MALRD1: variants seen among roughly 807,000 people sequenced by gnomAD.
The protein encoded by MALRD1 is MAM and LDL-receptor class A domain-containing protein 1.
A neutral mutation model predicts 242.1 loss-of-function variants in MALRD1; 247 were observed. The observed-to-expected ratio is 1.02, with a 90% CI of 0.92 to 1.13. The LOEUF (loss-of-function observed/expected upper bound fraction) is 1.13. Among genes scored for constraint, MALRD1 ranks in the 50% most tolerant of loss-of-function variants. The pLI is 0.00. For missense variants in MALRD1, 2,989 were observed against 2,533.1 expected (o/e 1.18, Z -3.86); for synonymous variants, 995 against 866.6 (o/e 1.15, Z -2.60).
intron 21 of MALRD1, among the ~76,000 whole-genome samples, chr10:19,315,498 A>G (rs185220417): frequency 8.3e-5 from 8 of 96,666 alleles, no homozygotes; most frequent in Non-Finnish European, 2.0e-5. Flanking sequence ...ATAAATATAT[A>G]ACTATAATTT....
intron 36 of MALRD1, among the ~76,000 whole-genome samples, chr10:19,625,620 C>G (rs1375290957): frequency 6.6e-6 from 1 of 152,106 alleles, no homozygotes; most frequent in East Asian, 1.9e-4. Flanking sequence ...GACCTAAGCT[C>G]TCTCTAAGGC....
At chr10:19,519,133 T>C (rs577529753) in intron 31 of MALRD1, among the ~76,000 whole-genome samples, 3 of 152,334 alleles carry the variant, frequency 2.0e-5, no homozygotes, top group South Asian at 2.1e-4. Context: ...TAATTTTCTT[T>C]CATTGTCAAA....
intron 19 of MALRD1, among the ~76,000 whole-genome samples, chr10:19,269,241 G>C (rs866188742): frequency 9.9e-5 from 15 of 152,274 alleles, no homozygotes; most frequent in African/African-American, 3.6e-4. Flanking sequence ...TTTGGAAGTG[G>C]GGCCTTTGAG....
intron 4 of MALRD1, among the ~76,000 whole-genome samples, chr10:19,095,729 T>G (rs560270986): frequency 6.6e-6 from 1 of 152,226 alleles, no homozygotes; most frequent in East Asian, 1.9e-4. Flanking sequence ...AATAATGTAT[T>G]TAATTTGCTG....
chr10:19,718,925 G>A (rs1834552459), intron 38 of MALRD1, among the ~76,000 whole-genome samples: 1 of 151,600 alleles, frequency 6.6e-6, no homozygotes, highest in South Asian at 2.1e-4. Context: ...CCAGTGCTTT[G>A]TGAGGCCAAG....
At chr10:19,252,291 T>G (rs1468739989) in intron 18 of MALRD1, among the ~76,000 whole-genome samples, 1 of 152,020 alleles carries the variant, frequency 6.6e-6, no homozygotes, top group East Asian at 1.9e-4. Context: ...TAAACGAAAC[T>G]GTTATGGACT....
intron 18 of MALRD1, among the ~76,000 whole-genome samples, chr10:19,240,047 AT>A: frequency 6.6e-6 from 1 of 152,132 alleles, no homozygotes; most frequent in South Asian, 2.1e-4. Flanking sequence ...TTTCATTGGT[AT>A]TTTGATAGGG....
At chr10:19,533,570 C>T (rs2131356065) in intron 32 of MALRD1, among the ~76,000 whole-genome samples, 1 of 152,256 alleles carries the variant, frequency 6.6e-6, no homozygotes, top group Non-Finnish European at 1.5e-5. Flanking sequence ...GGCATCTGCT[C>T]AGCTTCTGAT....
intron 18 of MALRD1, among the ~76,000 whole-genome samples, chr10:19,242,107 A>G (rs1416281859): frequency 3.3e-5 from 5 of 152,188 alleles, no homozygotes; most frequent in African/African-American, 1.2e-4. Flanking sequence ...TTACAGAGAA[A>G]AAGAGGTTTA....
intron 36 of MALRD1, among the ~76,000 whole-genome samples, chr10:19,688,514 G>A (rs1842693862): frequency 6.6e-6 from 1 of 151,984 alleles, no homozygotes; most frequent in Admixed American, 6.6e-5. Context: ...TCCCACCTCG[G>A]TCTCCCAAAG....
chr10:19,529,691 G>A (rs1452533464), intron 31 of MALRD1, among the ~76,000 whole-genome samples: 3 of 151,926 alleles, frequency 2.0e-5, no homozygotes, highest in African/African-American at 7.2e-5. Context: ...CAAAATAGAT[G>A]CAAACACAAG....
intron 21 of MALRD1, 30 bp downstream of exon 21, chr10:19,283,211 C>G (rs1840908405): frequency 2.1e-6 from 3 of 1,429,560 alleles, no homozygotes; most frequent in Admixed American, 2.5e-5. Flanking sequence ...GAATATCTCT[C>G]TTGGGAAATA....
At chr10:19,058,676 G>T (rs1834736064) in intron 1 of MALRD1, among the ~76,000 whole-genome samples, 1 of 152,004 alleles carries the variant, frequency 6.6e-6, no homozygotes, top group Non-Finnish European at 1.5e-5. Context: ...ATAAATCAAA[G>T]ATACATTTTT....
chr10:19,236,928 C>G, intron 18 of MALRD1, among the ~76,000 whole-genome samples: 1 of 151,980 alleles, frequency 6.6e-6, no homozygotes, highest in East Asian at 1.9e-4. Context: ...GAGTCAAGAA[C>G]AAAGCTCCTA....
In MALRD1 at chr10:19,169,591, G is replaced by GA. The variant is rs551812224; in HGVS notation, c.1830+3790dup. Among the ~76,000 whole-genome samples the GA allele has an allele frequency of 3.9e-4, 58 of 150,204 alleles. 1 individual carries two copies. In the East Asian group the frequency reaches 4.9e-3, roughly 13 times the overall value. On this transcript the variant is annotated intron_variant, in intron 13 of 39. Transcript: ENST00000454679. ...TCCATCCCATTTCTTATCCTCTGCAGAAAAAAAAAGATGCTAATATTATGC... is the reference window on the plus strand; with the variant it reads ...TCCATCCCATTTCTTATCCTCTGCAGAAAAAAAAAAGATGCTAATATTATGC...
intron 4 of MALRD1, among the ~76,000 whole-genome samples, chr10:19,096,267 C>G (rs572453507): frequency 6.6e-6 from 1 of 152,074 alleles, no homozygotes; most frequent in South Asian, 2.1e-4. Flanking sequence ...AATAAAAAAA[C>G]GTAAAACTCC....
chr10:19,224,576 C>A (rs2131674691), intron 18 of MALRD1, among the ~76,000 whole-genome samples: 1 of 152,342 alleles, frequency 6.6e-6, no homozygotes, highest in Non-Finnish European at 1.5e-5. Flanking sequence ...CAGGCGTGAG[C>A]CACCACGCCC....
At chr10:19,143,418 A>C (rs1374659509) in intron 10 of MALRD1, among the ~76,000 whole-genome samples, 1 of 152,206 alleles carries the variant, frequency 6.6e-6, no homozygotes, top group East Asian at 1.9e-4. Flanking sequence ...TGGTGCCTTC[A>C]GCAGATATCT....
At chr10:19,530,414 T>TA (rs1460398476) in intron 31 of MALRD1, among the ~76,000 whole-genome samples, 19,148 of 45,816 alleles carry the variant, frequency 0.42, 4,977 homozygotes, top group East Asian at 0.56. Flanking sequence ...TATATTTATA[T>TA]AATAATAAAT....
Sources: gnomAD v4.1 joint callset for allele counts (sites outside exome capture counted in the v4.1 genomes callset) on GRCh38, gnomAD v4.1.1 for gene constraint, MANE v1.5 for transcripts, NCBI Gene and HGNC (gene_info 2026-07-23, HGNC 2026-07-21) for gene names.